Variants in SHISA6 observed in about 807,000 individuals in gnomAD.
SHISA6 encodes protein shisa-6.
In SHISA6, 22 loss-of-function variants were observed where a neutral mutation model predicts 47.9. The observed-to-expected ratio is 0.46, with a 90% CI of 0.33 to 0.66. SHISA6 has a LOEUF of 0.66. SHISA6 is among the 30% of genes least tolerant of loss of function. The pLI, the probability that SHISA6 is intolerant of heterozygous loss-of-function variation, is 0.02. For synonymous variants in SHISA6, 388 were observed against 337.8 expected, an observed-to-expected ratio of 1.15 and a Z score of -1.63; for missense variants, 680 against 764.6, an observed-to-expected ratio of 0.89 and a Z score of 1.30.
intron 3 of SHISA6, among the ~76,000 whole-genome samples, chr17:11,524,180 G>A (rs1046564162): frequency 1.3e-5 from 2 of 152,054 alleles, no homozygotes; most frequent in Non-Finnish European, 2.9e-5. Context: ...TGGTAATAGG[G>A]CCCCGAAACT....
intron 3 of SHISA6, among the ~76,000 whole-genome samples, chr17:11,529,519 C>A (rs1315225584): frequency 1.3e-5 from 2 of 152,062 alleles, no homozygotes. Flanking sequence ...AAAGCGAAAC[C>A]ATACAAGAAT....
intron 3 of SHISA6, among the ~76,000 whole-genome samples, chr17:11,535,864 A>G (rs906950721): frequency 1.3e-5 from 2 of 151,806 alleles, no homozygotes; most frequent in Non-Finnish European, 1.5e-5. Context: ...CAACAAAACA[A>G]CAGTAGCTGA....
chr17:11,327,832 A>C (rs1910954195), intron 2 of SHISA6, among the ~76,000 whole-genome samples: 1 of 152,032 alleles, frequency 6.6e-6, no homozygotes, highest in Admixed American at 6.6e-5. Flanking sequence ...AAAAACACAA[A>C]ACACTGAAGG....
chr17:11,342,061 C>A (rs1240524969), intron 2 of SHISA6, among the ~76,000 whole-genome samples: 1 of 152,002 alleles, frequency 6.6e-6, no homozygotes, highest in East Asian at 2.0e-4. Flanking sequence ...TTTCCTCTGG[C>A]CTCTTGAATG....
At chr17:11,554,830 C>T (rs1466475573) in intron 4 of SHISA6, among the ~76,000 whole-genome samples, 1 of 151,922 alleles carries the variant, frequency 6.6e-6, no homozygotes, top group Non-Finnish European at 1.5e-5. Flanking sequence ...CCTCCCTCAC[C>T]GGCCCTGCAT....
intron 3 of SHISA6, among the ~76,000 whole-genome samples, chr17:11,510,251 A>T (rs2071531312): frequency 1.3e-5 from 2 of 152,018 alleles, no homozygotes; most frequent in African/African-American, 4.8e-5. Flanking sequence ...CTGATGCCTA[A>T]CCACTCGAAA....
chr17:11,448,212 T>C (rs896774028), intron 3 of SHISA6, among the ~76,000 whole-genome samples: 1 of 141,638 alleles, frequency 7.1e-6, no homozygotes, highest in African/African-American at 2.7e-5. Context: ...TCACAAGTGC[T>C]CTTTGGGGCG....
chr17:11,324,035 C>T (rs205024), intron 2 of SHISA6, among the ~76,000 whole-genome samples: 53,343 of 151,974 alleles, frequency 0.35, 9,636 homozygotes, highest in Middle Eastern at 0.43. Flanking sequence ...TCTCAGCGTG[C>T]ACACCCAGCG....
At chr17:11,498,776 A>G (rs1362859132) in intron 3 of SHISA6, among the ~76,000 whole-genome samples, 1 of 152,180 alleles carries the variant, frequency 6.6e-6, no homozygotes, top group African/African-American at 2.4e-5. Flanking sequence ...TAGCAGCTCA[A>G]ACGTGTAATA....
intron 1 of SHISA6, among the ~76,000 whole-genome samples, chr17:11,243,301 A>ATT (rs11448100): frequency 6.7e-4 from 100 of 149,930 alleles, no homozygotes; most frequent in African/African-American, 2.3e-3. Context: ...AAAAGAGCTG[A>ATT]TTTTTTTTTT....
chr17:11,410,953 ATTTTT>A (rs946469360), intron 3 of SHISA6, among the ~76,000 whole-genome samples: 11 of 151,892 alleles, frequency 7.2e-5, no homozygotes, highest in Non-Finnish European at 1.6e-4. Flanking sequence ...AATTCTGTCT[ATTTTT>A]TTTATTTTTT....
intron 2 of SHISA6, among the ~76,000 whole-genome samples, chr17:11,280,952 T>A (rs1426953337): frequency 6.6e-6 from 1 of 152,242 alleles, no homozygotes; most frequent in Non-Finnish European, 1.5e-5. Context: ...CTTAAAGAAC[T>A]GAGCATTTCA....
intron 3 of SHISA6, among the ~76,000 whole-genome samples, chr17:11,429,153 G>C (rs1914683417): frequency 6.6e-6 from 1 of 152,086 alleles, no homozygotes; most frequent in South Asian, 2.1e-4. Context: ...TGGGCTGTTG[G>C]ACTGAGGATC....
intron 2 of SHISA6, among the ~76,000 whole-genome samples, chr17:11,308,064 G>A (rs1227597035): frequency 6.6e-6 from 1 of 152,178 alleles, no homozygotes; most frequent in African/African-American, 2.4e-5. Flanking sequence ...AAGGAAGTGG[G>A]CACTAGGGAG....
chr17:11,504,563 A>G (rs1308476128), intron 3 of SHISA6, among the ~76,000 whole-genome samples: 2 of 152,202 alleles, frequency 1.3e-5, no homozygotes, highest in African/African-American at 2.4e-5. Context: ...GTAGGAAAGT[A>G]TCTATCAAAT....
chr17:11,439,228 T>G (rs1597513903), intron 3 of SHISA6, among the ~76,000 whole-genome samples: 1 of 152,138 alleles, frequency 6.6e-6, no homozygotes, highest in South Asian at 2.1e-4. Context: ...AAAGCACATG[T>G]AACCTCGAAG....
At chr17:11,432,615 C>G (rs1914813570) in intron 3 of SHISA6, among the ~76,000 whole-genome samples, 1 of 152,110 alleles carries the variant, frequency 6.6e-6, no homozygotes. Flanking sequence ...CTCATAAAAA[C>G]AAAGGGGAGA....
chr17:11,422,459 G>A (rs949804577), intron 3 of SHISA6, among the ~76,000 whole-genome samples: 19 of 152,300 alleles, frequency 1.2e-4, no homozygotes, highest in East Asian at 5.8e-4. Context: ...GTACCTACAA[G>A]AGTACATCTA....
At chr17:11,447,080 G>A (rs529400038) in intron 3 of SHISA6, among the ~76,000 whole-genome samples, 2 of 152,258 alleles carry the variant, frequency 1.3e-5, no homozygotes, top group Admixed American at 1.3e-4. Flanking sequence ...TTCTTCCAAA[G>A]AAGACAGAAC....
Sources: allele counts gnomAD v4.1 joint callset (sites outside exome capture counted in the v4.1 genomes callset), GRCh38; gene constraint gnomAD v4.1.1; transcripts MANE v1.5; gene names NCBI Gene and HGNC (gene_info 2026-07-23, HGNC 2026-07-21).